Variants in RORA observed in about 807,000 individuals in gnomAD.
RORA encodes nuclear receptor ROR-alpha.
RORA carries 7 observed loss-of-function variants against 69.5 expected under a neutral mutation model. The observed-to-expected ratio is 0.10, with a 90% CI of 0.06 to 0.19. The LOEUF is 0.19. Ranked by LOEUF, RORA falls within the 10% of genes least tolerant of loss-of-function variation. The pLI, the probability that RORA is intolerant of heterozygous loss-of-function variation, is 1.00. For synonymous variants in RORA, 261 were observed against 240.8 expected (o/e 1.08, Z -0.78); for missense variants, 457 against 663.0 (o/e 0.69, Z 3.41).
At chr15:60,597,289 T>C (rs950614577) in intron 2 of RORA, among the ~76,000 whole-genome samples, 2 of 151,594 alleles carry the variant, frequency 1.3e-5, no homozygotes, top group African/African-American at 4.9e-5. Context: ...GAGGACTGGC[T>C]TATGTTTTGT....
intron 1 of RORA, among the ~76,000 whole-genome samples, chr15:60,759,654 G>A (rs1004205478): frequency 3.3e-5 from 5 of 152,134 alleles, no homozygotes; most frequent in African/African-American, 1.2e-4. Context: ...AATGTAATCT[G>A]ACATCGTCCC....
intron 1 of RORA, among the ~76,000 whole-genome samples, chr15:61,155,541 C>T (rs1012006245): frequency 2.0e-5 from 3 of 152,210 alleles, no homozygotes; most frequent in African/African-American, 7.2e-5. Context: ...TTTTTAAATA[C>T]GCCCTAGCTG....
chr15:60,962,655 C>T (rs1241418419), intron 1 of RORA, among the ~76,000 whole-genome samples: 2 of 152,182 alleles, frequency 1.3e-5, no homozygotes, highest in South Asian at 2.1e-4. Context: ...ATAAAATGAA[C>T]ACTTGGCAGC....
chr15:61,229,101 C>T lies in RORA; in HGVS notation c.118G>A (p.Glu40Lys), dbSNP rs1419123412. The T allele has an allele frequency of 2.0e-5, 31 of 1,539,572 alleles. No homozygotes were observed. The East Asian group carries it at 7.5e-4, about 37-fold the overall frequency. The change falls in exon 1 of 11, where the codon GAG becomes AAG. Residue 40 changes from glutamate (E) to lysine (K), a missense_variant. By Grantham distance (56) the Glu-to-Lys change is moderately conservative. Transcript: ENST00000335670. ...PLNQESARKS[E>K]PPAPVRRQSY... Reference sequence around the variant, plus strand: ...TGTCTGCGCACCGGGGCAGGCGGCTCGCTCTTGCGGGCGGATTCCTGGTTC... The same window carrying T: ...TGTCTGCGCACCGGGGCAGGCGGCTTGCTCTTGCGGGCGGATTCCTGGTTC...
At chr15:60,726,995 C>A (rs2071366422) in intron 1 of RORA, among the ~76,000 whole-genome samples, 1 of 152,156 alleles carries the variant, frequency 6.6e-6, no homozygotes, top group Non-Finnish European at 1.5e-5. Flanking sequence ...ATAACTTTCA[C>A]ATTCACAATC....
chr15:61,163,496 C>T (rs1302177745), intron 1 of RORA, among the ~76,000 whole-genome samples: 2 of 152,116 alleles, frequency 1.3e-5, no homozygotes, highest in East Asian at 1.9e-4. Flanking sequence ...AAGAAAACAC[C>T]ACCAGCAGCC....
chr15:60,563,322 A>G (rs1420875476), intron 2 of RORA, among the ~76,000 whole-genome samples: 2 of 152,172 alleles, frequency 1.3e-5, no homozygotes, highest in Non-Finnish European at 2.9e-5. Flanking sequence ...AGTTTTCCAC[A>G]TGGAATTCCT....
At chr15:60,879,134 A>G (rs2073651494) in intron 1 of RORA, among the ~76,000 whole-genome samples, 1 of 152,190 alleles carries the variant, frequency 6.6e-6, no homozygotes, top group Admixed American at 6.5e-5. Context: ...TCCATGTGTT[A>G]GAAGCATACA....
At chr15:60,683,710 G>C (rs1270490243) in intron 1 of RORA, among the ~76,000 whole-genome samples, 1 of 151,114 alleles carries the variant, frequency 6.6e-6, no homozygotes, top group Non-Finnish European at 1.5e-5. Flanking sequence ...GGTAATGCTT[G>C]AGCACAATTT....
chr15:60,748,249 T>C (rs922398800), intron 1 of RORA, among the ~76,000 whole-genome samples: 1 of 148,704 alleles, frequency 6.7e-6, no homozygotes, highest in Non-Finnish European at 1.5e-5. Flanking sequence ...ATCTATATCA[T>C]ATAGTTTACA....
intron 1 of RORA, among the ~76,000 whole-genome samples, chr15:61,033,437 T>C (rs1896287730): frequency 2.3e-5 from 1 of 43,146 alleles, no homozygotes; most frequent in Non-Finnish European, 5.5e-5. Context: ...AGTTTTGCTC[T>C]CAGTGGGACC....
intron 1 of RORA, among the ~76,000 whole-genome samples, chr15:60,794,640 T>C (rs1015775342): frequency 6.6e-6 from 1 of 152,250 alleles, no homozygotes; most frequent in African/African-American, 2.4e-5. Context: ...ATGAGCTGCC[T>C]GCAGGTTTCC....
chr15:60,516,249 TTA>T (rs1442028660), intron 3 of RORA, among the ~76,000 whole-genome samples: 1 of 69,540 alleles, frequency 1.4e-5, no homozygotes, highest in African/African-American at 6.9e-5. Flanking sequence ...ATATATATAT[TTA>T]TATATATATA....
In RORA at chr15:60,667,986, C is replaced by T. The variant is rs190984651; in HGVS notation, c.196+10671G>A. 1.2e-4 allele frequency among the ~76,000 whole-genome samples: 18 copies of T among 151,610 alleles called. No homozygotes were observed. The East Asian group carries it at 3.5e-3, about 29-fold the overall frequency. On this transcript the variant is annotated intron_variant, in intron 2 of 10. Transcript: ENST00000335670. ...TCCTCTTCATGACAGTCTCTTGTGGCAGGAAAGTGGTTAGTTTATAGATAG... is the reference window on the plus strand; with the variant it reads ...TCCTCTTCATGACAGTCTCTTGTGGTAGGAAAGTGGTTAGTTTATAGATAG...
intron 3 of RORA, among the ~76,000 whole-genome samples, chr15:60,522,143 C>T (rs1477598315): frequency 1.3e-5 from 2 of 152,194 alleles, no homozygotes; most frequent in Non-Finnish European, 2.9e-5. Flanking sequence ...TGTTATTACA[C>T]ATTAACTGAT....
At chr15:60,753,864 A>G (rs776377505) in intron 1 of RORA, among the ~76,000 whole-genome samples, 25 of 152,180 alleles carry the variant, frequency 1.6e-4, no homozygotes, top group Non-Finnish European at 2.5e-4. Context: ...TTTAAAGCAA[A>G]TCCACTTCTA....
chr15:61,217,196 A>C (rs936587075), intron 1 of RORA, among the ~76,000 whole-genome samples: 1 of 152,210 alleles, frequency 6.6e-6, no homozygotes, highest in Non-Finnish European at 1.5e-5. Flanking sequence ...ATTTTATGCA[A>C]GGTATCGTGC....
intron 1 of RORA, among the ~76,000 whole-genome samples, chr15:61,113,886 A>G (rs374173571): frequency 1.3e-5 from 2 of 152,324 alleles, no homozygotes. Context: ...GCAAAGTCAG[A>G]GACAGAGTTA....
intron 2 of RORA, chr15:60,630,768 A>G (rs1290165045): frequency 6.6e-6 from 1 of 152,276 alleles, no homozygotes; most frequent in East Asian, 1.9e-4. Context: ...GGGCTAAGAC[A>G]GCCCAGGTGT....
Sources: gnomAD v4.1 joint callset for allele counts (sites outside exome capture counted in the v4.1 genomes callset) on GRCh38, gnomAD v4.1.1 for gene constraint, MANE v1.5 for transcripts, NCBI Gene and HGNC (gene_info 2026-07-23, HGNC 2026-07-21) for gene names.